MTNR1A: variants seen among roughly 807,000 people sequenced by gnomAD.
The protein encoded by MTNR1A is melatonin receptor type 1A.
A neutral mutation model predicts 5.5 loss-of-function variants in MTNR1A; 7 were observed. The observed-to-expected ratio is 1.28, with a 90% CI of 0.73 to 2.40. The LOEUF is 2.40. Among genes scored for constraint, MTNR1A ranks in the 30% most tolerant of loss-of-function variants. The probability of loss-of-function intolerance (pLI) is 0.00; values close to 1 mark genes in which losing one functional copy is unlikely to be tolerated. For missense variants in MTNR1A, 441 were observed against 464.4 expected, an observed-to-expected ratio of 0.95 and a Z score of 0.46; for synonymous variants, 196 against 202.7, an observed-to-expected ratio of 0.97 and a Z score of 0.28.
At chr4:186,542,671 T>G (rs1737052072) in intron 1 of MTNR1A, among the ~76,000 whole-genome samples, 1 of 152,144 alleles carries the variant, frequency 6.6e-6, no homozygotes, top group African/African-American at 2.4e-5. Context: ...AGGGTGAAAA[T>G]GGCAGCTCAT....
At chr4:186,536,074 A>T (rs28561835) in intron 1 of MTNR1A, among the ~76,000 whole-genome samples, 1 of 151,972 alleles carries the variant, frequency 6.6e-6, no homozygotes, top group South Asian at 2.1e-4. Flanking sequence ...GGTTGGGCGC[A>T]GTGGCTCACA....
intron 1 of MTNR1A, among the ~76,000 whole-genome samples, chr4:186,549,627 T>C (rs933737425): frequency 4.6e-5 from 7 of 152,214 alleles, no homozygotes; most frequent in African/African-American, 9.6e-5. Context: ...TTTTCTGCTG[T>C]ATAAATATGC....
chr4:186,551,463 C>A (rs1737266178), intron 1 of MTNR1A, among the ~76,000 whole-genome samples: 1 of 151,502 alleles, frequency 6.6e-6, no homozygotes, highest in Non-Finnish European at 1.5e-5. Flanking sequence ...CTAAAAAGAA[C>A]TAATCACCAG....
At chr4:186,550,315 C>G (rs2111386799) in intron 1 of MTNR1A, among the ~76,000 whole-genome samples, 1 of 152,300 alleles carries the variant, frequency 6.6e-6, no homozygotes, top group African/African-American at 2.4e-5. Context: ...CACTAATTGC[C>G]TTTTTGGTAC....
intron 1 of MTNR1A, among the ~76,000 whole-genome samples, chr4:186,549,653 T>C (rs749699398): frequency 6.6e-6 from 1 of 152,220 alleles, no homozygotes; most frequent in Non-Finnish European, 1.5e-5. Context: ...TTTTCATACT[T>C]TTGTACCCCA....
intron 1 of MTNR1A, among the ~76,000 whole-genome samples, chr4:186,554,132 C>T (rs1177979587): frequency 2.0e-5 from 3 of 151,894 alleles, no homozygotes; most frequent in African/African-American, 2.4e-5. Flanking sequence ...CAATCACCTA[C>T]GAAGTGAGCT....
intron 1 of MTNR1A, among the ~76,000 whole-genome samples, chr4:186,535,456 G>A (rs1346606925): frequency 6.6e-6 from 1 of 151,554 alleles, no homozygotes; most frequent in Non-Finnish European, 1.5e-5. Flanking sequence ...CTGTCACCCA[G>A]TCTGGAGTGC....
chr4:186,542,367 C>T (rs1177637995), intron 1 of MTNR1A, among the ~76,000 whole-genome samples: 2 of 152,182 alleles, frequency 1.3e-5, no homozygotes, highest in Non-Finnish European at 2.9e-5. Context: ...TACAGGACGC[C>T]TTCTCCACCG....
At chr4:186,553,850 C>T (rs534292272) in intron 1 of MTNR1A, among the ~76,000 whole-genome samples, 1 of 152,312 alleles carries the variant, frequency 6.6e-6, no homozygotes, top group South Asian at 2.1e-4. Context: ...TTCAAACTTC[C>T]CAAATGCTGC....
At position 186,534,253 on chromosome 4, in the gene MTNR1A, G is replaced by C; in HGVS notation, c.489C>G (p.Leu163=). 2 of 1,614,174 alleles carry C rather than the reference G, an allele frequency of 1.2e-6. No individual in the cohort carries two copies. Among genetic ancestry groups the C allele is most frequent in the Non-Finnish European group, 8.5e-7 (1 of 1,180,022 alleles). Residue 163 remains leucine (L), a synonymous_variant, in exon 2 of 2, where the codon CTC becomes CTG. Coordinates refer to ENST00000307161, the MANE Select transcript of MTNR1A (RefSeq NM_005958.4). ...LLTLAAVLPN[L]RAGTLQYDPR... ...GGTCGTACTGGAGAGTCCCTGCACG[G>C]AGGTTGGGCAGGACGGCCGCCAGCG...
intron 1 of MTNR1A, among the ~76,000 whole-genome samples, chr4:186,547,735 T>C (rs950049846): frequency 1.3e-5 from 2 of 152,238 alleles, no homozygotes; most frequent in Non-Finnish European, 2.9e-5. Context: ...TTGTACACTG[T>C]ACACTTTACA....
intron 1 of MTNR1A, among the ~76,000 whole-genome samples, chr4:186,537,527 T>C (rs573969455): frequency 1.3e-5 from 2 of 152,376 alleles, no homozygotes; most frequent in East Asian, 1.9e-4. Context: ...CTGTTGAATA[T>C]AGTTCCAATC....
In MTNR1A at chr4:186,555,108, T is replaced by C; in HGVS notation, c.184+74A>G. 1 of 1,456,490 alleles carries C rather than the reference T, an allele frequency of 6.9e-7. No homozygotes were observed. Among genetic ancestry groups the C allele is most frequent in the Admixed American group, 2.0e-5 (1 of 51,104 alleles). The allele number at this position is 1,456,490 out of a possible 1,614,324, so 90.2% of individuals were successfully genotyped here. A position where few individuals can be genotyped will look rare whatever the true frequency, so the allele number is the denominator to read the frequency against. ...TGTTTAGGAAAAAGAACCAAGTGCTTGGGGAAGGCTGGCTGCCCGCGGAGA... is the reference window on the plus strand; with the variant it reads ...TGTTTAGGAAAAAGAACCAAGTGCTCGGGGAAGGCTGGCTGCCCGCGGAGA... On this transcript the variant is annotated intron_variant, in intron 1 of 1. Transcript: ENST00000307161. The surrounding 1 kb of genome is among the most constrained non-coding windows in gnomAD (Gnocchi z 4.1).
intron 1 of MTNR1A, among the ~76,000 whole-genome samples, chr4:186,547,684 A>G (rs1737185206): frequency 6.6e-6 from 1 of 152,200 alleles, no homozygotes; most frequent in South Asian, 2.1e-4. Flanking sequence ...GCTGTAGAGA[A>G]AACTAGTAGA....
At chr4:186,547,903 A>G (rs978622491) in intron 1 of MTNR1A, among the ~76,000 whole-genome samples, 1 of 152,150 alleles carries the variant, frequency 6.6e-6, no homozygotes, top group Non-Finnish European at 1.5e-5. Flanking sequence ...CTCATTTTCT[A>G]TGCCCAGTGA....
intron 1 of MTNR1A, among the ~76,000 whole-genome samples, chr4:186,542,551 G>C (rs985301066): frequency 6.6e-6 from 1 of 152,166 alleles, no homozygotes; most frequent in Non-Finnish European, 1.5e-5. Context: ...TTCAGCACCA[G>C]GCGGGTGAGC....
chr4:186,555,511 G>T lies in MTNR1A; in HGVS notation c.-146C>A. ...CCGCGCCCCCGGACGCCCACGCCGCGCCGGACGCCACGGCCAGGTGACACC... is the reference window on the plus strand; with the variant it reads ...CCGCGCCCCCGGACGCCCACGCCGCTCCGGACGCCACGGCCAGGTGACACC... On this transcript the variant is annotated 5_prime_UTR_variant, in exon 1 of 2. Transcript: ENST00000307161. The surrounding 1 kb of genome is among the most constrained non-coding windows in gnomAD (Gnocchi z 4.1). 5.5e-6 allele frequency: 3 copies of T among 542,888 alleles called. No homozygotes were observed. Among genetic ancestry groups the T allele is most frequent in the Non-Finnish European group, 7.8e-6 (3 of 382,688 alleles). The allele number at this position is 542,888 out of a possible 1,614,324, so 33.6% of individuals were successfully genotyped here.
chr4:186,543,748 C>T (rs1195751889), intron 1 of MTNR1A, among the ~76,000 whole-genome samples: 1 of 152,126 alleles, frequency 6.6e-6, no homozygotes, highest in Non-Finnish European at 1.5e-5. Flanking sequence ...AATGTATTTT[C>T]AATTTTACAC....
intron 1 of MTNR1A, among the ~76,000 whole-genome samples, chr4:186,545,682 C>A (rs904876105): frequency 2.0e-5 from 3 of 152,110 alleles, no homozygotes; most frequent in African/African-American, 7.2e-5. Context: ...ATTAGAGGCC[C>A]CCTGAATAGT....
Sources: gnomAD v4.1 joint callset for allele counts (sites outside exome capture counted in the v4.1 genomes callset) on GRCh38, gnomAD v4.1.1 for gene constraint, Gnocchi (gnomAD v3.1) non-coding constraint, MANE v1.5 for transcripts, NCBI Gene and HGNC (gene_info 2026-07-23, HGNC 2026-07-21) for gene names.